The following ITPRID1 variants were observed in gnomAD, a reference collection of about 807,000 sequenced individuals.
ITPRID1 encodes protein ITPRID1.
Under a neutral mutation model 95.4 loss-of-function variants are expected in ITPRID1, and 96 were observed. That is an observed-to-expected ratio of 1.01 (90% CI 0.85 to 1.19). The LOEUF (loss-of-function observed/expected upper bound fraction) is 1.19. Among genes scored for constraint, ITPRID1 ranks in the 50% most tolerant of loss-of-function variants. ITPRID1 has a pLI of 0.00. For synonymous variants in ITPRID1, 510 were observed against 453.6 expected, an observed-to-expected ratio of 1.12 and a Z score of -1.58; for missense variants, 1,339 against 1,252.9, an observed-to-expected ratio of 1.07 and a Z score of -1.04.
At chr7:31,514,183 G>T (rs947398680) in intron 1 of ITPRID1, 63 bp downstream of exon 1, 3 of 152,096 alleles carry the variant, frequency 2.0e-5, no homozygotes, top group Admixed American at 1.3e-4. Context: ...AACATTGCTT[G>T]TCCCCTCCTC....
At chr7:31,571,992 A>G (rs1354759557) in intron 6 of ITPRID1, 110 bp from the exon 7 acceptor site, 12 of 686,616 alleles carry the variant, frequency 1.7e-5, no homozygotes, top group Non-Finnish European at 3.0e-5. Flanking sequence ...GGATTATTAG[A>G]GACTAAGAGG....
chr7:31,622,838 C>G (rs1177283344), intron 10 of ITPRID1, among the ~76,000 whole-genome samples: 3 of 151,880 alleles, frequency 2.0e-5, no homozygotes, highest in South Asian at 2.1e-4. Flanking sequence ...TTGAAATGAT[C>G]AACAAAATTG....
intron 10 of ITPRID1, among the ~76,000 whole-genome samples, chr7:31,636,401 G>A (rs1165072813): frequency 3.3e-5 from 5 of 152,184 alleles, no homozygotes; most frequent in Non-Finnish European, 7.3e-5. Flanking sequence ...TTATATTCAA[G>A]AATAGTAACT....
intron 10 of ITPRID1, among the ~76,000 whole-genome samples, chr7:31,616,340 G>A (rs1454051218): frequency 6.6e-6 from 1 of 152,010 alleles, no homozygotes; most frequent in African/African-American, 2.4e-5. Flanking sequence ...TGCATATTGG[G>A]TCCTATTGAT....
At position 31,654,431 on chromosome 7, in the gene ITPRID1, T is replaced by C. The variant is rs974609772; in HGVS notation, c.*1602T>C. Among the ~76,000 whole-genome samples, 1 of 152,084 alleles carries C rather than the reference T, an allele frequency of 6.6e-6. No individual in the cohort carries two copies. The highest frequency in any genetic ancestry group is 6.5e-5 in the Admixed American group (1 of 15,276). ...TGCATCTGAATCCTTTTTCCAAGGG[T>C]AATGGAAAGCCACTGTGGGTTTTAA... On this transcript the variant is annotated 3_prime_UTR_variant, in exon 15 of 15. Transcript: ENST00000615280.
chr7:31,591,669 T>G (rs945001034), intron 10 of ITPRID1, among the ~76,000 whole-genome samples: 2 of 152,122 alleles, frequency 1.3e-5, no homozygotes, highest in Admixed American at 6.5e-5. Context: ...CAACAATGAA[T>G]AGTGCCAAAT....
chr7:31,539,770 A>G (rs1413161083), intron 1 of ITPRID1, among the ~76,000 whole-genome samples: 1 of 152,120 alleles, frequency 6.6e-6, no homozygotes, highest in Non-Finnish European at 1.5e-5. Context: ...GCTTAATCAC[A>G]GGCTCAGAAT....
intron 9 of ITPRID1, among the ~76,000 whole-genome samples, chr7:31,580,073 G>C (rs185088205): frequency 4.6e-5 from 7 of 151,974 alleles, no homozygotes; most frequent in Non-Finnish European, 1.0e-4. Flanking sequence ...CTGAGGCAGC[G>C]GATCACCTGA....
At chr7:31,601,456 C>T (rs1583558137) in intron 10 of ITPRID1, among the ~76,000 whole-genome samples, 1 of 152,120 alleles carries the variant, frequency 6.6e-6, no homozygotes, top group Non-Finnish European at 1.5e-5. Flanking sequence ...GTTCTGGTTG[C>T]CCTCTGAATT....
intron 10 of ITPRID1, among the ~76,000 whole-genome samples, chr7:31,603,401 T>C (rs974793899): frequency 1.4e-5 from 2 of 142,780 alleles, no homozygotes; most frequent in Admixed American, 7.0e-5. Flanking sequence ...TCCCTCCCCC[T>C]CCCCACCCAC....
chr7:31,618,945 T>C (rs1477421550), intron 10 of ITPRID1, among the ~76,000 whole-genome samples: 2 of 152,166 alleles, frequency 1.3e-5, no homozygotes, highest in African/African-American at 4.8e-5. Context: ...GTCGAGAGAG[T>C]AGGTGACTCA....
At chr7:31,516,916 C>T (rs906302727) in intron 1 of ITPRID1, among the ~76,000 whole-genome samples, 32 of 152,166 alleles carry the variant, frequency 2.1e-4, no homozygotes, top group African/African-American at 7.7e-4. Flanking sequence ...GAGTTTGTCC[C>T]TTCTGACGTT....
intron 10 of ITPRID1, among the ~76,000 whole-genome samples, chr7:31,624,651 C>A (rs1788268503): frequency 6.7e-6 from 1 of 150,248 alleles, no homozygotes; most frequent in African/African-American, 2.5e-5. Context: ...AAACGTTAGA[C>A]CTAAAACCAT....
Position 31,539,660 on chromosome 7 carries a change from G to GT in ITPRID1, c.-97-9758dup, listed in dbSNP as rs201878248. On this transcript the variant is annotated intron_variant, in intron 1 of 14. Transcript: ENST00000615280. ...CAGTTCAACAGTCAAAGACAGGTTT[G>GT]TTTTTTTTGGAGATAAACCTGAGAG... 5.2e-3 allele frequency among the ~76,000 whole-genome samples: 797 copies of GT among 152,082 alleles called. 1 individual carries two copies. Among genetic ancestry groups the GT allele is most frequent in the Middle Eastern group, 0.01 (3 of 294 alleles).
chr7:31,639,704 T>C (rs952696775), intron 10 of ITPRID1, among the ~76,000 whole-genome samples: 3 of 151,894 alleles, frequency 2.0e-5, no homozygotes, highest in African/African-American at 7.3e-5. Flanking sequence ...GCCCGGCTAA[T>C]TTTTAGTATT....
In ITPRID1 at chr7:31,546,328, T is replaced by C. The variant is rs1784095792; in HGVS notation, c.-97-3098T>C. Among the ~76,000 whole-genome samples the C allele has an allele frequency of 2.0e-5, 3 of 152,120 alleles. No individual in the cohort carries two copies. The South Asian group carries it at 6.2e-4, about 32-fold the overall frequency. ...AGAAGGTATTTACTCCAATAATTTTTGTAAAAATGACAAAATAAGCAGGCA... is the reference window on the plus strand; with the variant it reads ...AGAAGGTATTTACTCCAATAATTTTCGTAAAAATGACAAAATAAGCAGGCA... On this transcript the variant is annotated intron_variant, in intron 1 of 14. Transcript: ENST00000615280.
intron 9 of ITPRID1, among the ~76,000 whole-genome samples, chr7:31,582,713 C>T (rs1785449028): frequency 6.6e-6 from 1 of 151,998 alleles, no homozygotes; most frequent in Non-Finnish European, 1.5e-5. Context: ...TTTGTTCTAG[C>T]AATTTGGAAA....
intron 1 of ITPRID1, among the ~76,000 whole-genome samples, chr7:31,519,620 C>CTCCATATATATATATATATA: frequency 4.0e-5 from 1 of 25,270 alleles, no homozygotes; most frequent in Non-Finnish European, 7.3e-5. Flanking sequence ...CTCTCTCTCT[C>CTCCATATATATATATATATA]TATATATATA....
At chr7:31,572,457 G>A (rs1785024760) in intron 7 of ITPRID1, among the ~76,000 whole-genome samples, 1 of 152,084 alleles carries the variant, frequency 6.6e-6, no homozygotes, top group African/African-American at 2.4e-5. Flanking sequence ...AGCATAGTCA[G>A]ACATACACAT....
Sources: allele counts gnomAD v4.1 joint callset (sites outside exome capture counted in the v4.1 genomes callset), GRCh38; gene constraint gnomAD v4.1.1; transcripts MANE v1.5; gene names NCBI Gene and HGNC (gene_info 2026-07-23, HGNC 2026-07-21).